The following SDK1 variants were observed in gnomAD, a reference collection of about 807,000 sequenced individuals.
The protein encoded by SDK1 is sidekick cell adhesion molecule 1.
In SDK1, 157 loss-of-function variants were observed where a neutral mutation model predicts 245.5. The ratio of observed to expected loss-of-function variants is 0.64; its 90% confidence interval spans 0.56 to 0.73. The LOEUF is 0.73. Ranked by LOEUF, SDK1 falls within the 30% of genes least tolerant of loss-of-function variation. The pLI is 0.00. For synonymous variants in SDK1, 1,647 were observed against 1,278.5 expected, an observed-to-expected ratio of 1.29 and a Z score of -6.15; for missense variants, 3,583 against 3,002.3, an observed-to-expected ratio of 1.19 and a Z score of -4.52.
At chr7:3,870,304 G>A (rs756153198) in intron 5 of SDK1, among the ~76,000 whole-genome samples, 4 of 151,978 alleles carry the variant, frequency 2.6e-5, no homozygotes, top group South Asian at 2.1e-4. Flanking sequence ...TTTTTACAGC[G>A]ACTTGGCCCC....
At chr7:3,560,753 C>G (rs1009087251) in intron 1 of SDK1, among the ~76,000 whole-genome samples, 2 of 152,128 alleles carry the variant, frequency 1.3e-5, no homozygotes, top group African/African-American at 4.8e-5. Flanking sequence ...CTCTCTGTAT[C>G]CTCCTCTCCT....
At chr7:4,074,078 A>G (rs567818259) in intron 20 of SDK1, among the ~76,000 whole-genome samples, 51 of 152,144 alleles carry the variant, frequency 3.4e-4, no homozygotes, top group Non-Finnish European at 6.9e-4. Context: ...CCCACAATGC[A>G]CTGCAATCCT....
At chr7:3,514,174 G>A (rs1782663824) in intron 1 of SDK1, among the ~76,000 whole-genome samples, 1 of 152,088 alleles carries the variant, frequency 6.6e-6, no homozygotes, top group Non-Finnish European at 1.5e-5. Context: ...CCTGTCTCAT[G>A]GAGTTTGTAT....
chr7:3,507,171 C>T (rs1782420781), intron 1 of SDK1, among the ~76,000 whole-genome samples: 1 of 152,138 alleles, frequency 6.6e-6, no homozygotes, highest in South Asian at 2.1e-4. Context: ...ACTCTAATGT[C>T]TTCAACACTG....
In SDK1 at chr7:4,101,178, T is replaced by C. The variant is rs983034362; in HGVS notation, c.3325-9485T>C. On this transcript the variant is annotated intron_variant, in intron 22 of 44. Coordinates refer to ENST00000404826, the MANE Select transcript of SDK1 (RefSeq NM_152744.4). ...TTTTTTTTTTTTTTGAGACGGAGTC[T>C]CGCTCTGTCACCCAGGCTGGAGTGC... 1.3e-3 allele frequency among the ~76,000 whole-genome samples: 196 copies of C among 150,114 alleles called. 3 individuals are homozygous for C. Among genetic ancestry groups the C allele is most frequent in the Non-Finnish European group, 4.0e-4 (27 of 67,616 alleles).
chr7:3,618,715 C>A (rs1401186507), intron 1 of SDK1, among the ~76,000 whole-genome samples: 3 of 152,176 alleles, frequency 2.0e-5, no homozygotes, highest in Middle Eastern at 3.2e-3. Flanking sequence ...TCTTTTATAG[C>A]CTGCATACAC....
intron 14 of SDK1, among the ~76,000 whole-genome samples, chr7:4,009,352 C>T (rs1300494843): frequency 6.6e-6 from 1 of 152,208 alleles, no homozygotes; most frequent in Non-Finnish European, 1.5e-5. Flanking sequence ...AATGGCCTTT[C>T]GTCTTCTGCA....
At chr7:3,997,542 A>G (rs1012053199) in intron 14 of SDK1, among the ~76,000 whole-genome samples, 1 of 152,216 alleles carries the variant, frequency 6.6e-6, no homozygotes, top group African/African-American at 2.4e-5. Context: ...CTCAGCAGAG[A>G]GAAGGCCTTG....
chr7:3,583,784 C>G (rs976957934), intron 1 of SDK1, among the ~76,000 whole-genome samples: 1 of 152,062 alleles, frequency 6.6e-6, no homozygotes, highest in African/African-American at 2.4e-5. Flanking sequence ...GTGAATGCCA[C>G]CGAGAGGGCG....
chr7:3,698,581 A>G (rs1458253491), intron 4 of SDK1, among the ~76,000 whole-genome samples: 3 of 152,300 alleles, frequency 2.0e-5, no homozygotes, highest in Non-Finnish European at 4.4e-5. Context: ...TCAGGCTGCT[A>G]TAGTAAAACA....
intron 1 of SDK1, among the ~76,000 whole-genome samples, chr7:3,513,849 A>G (rs1000501822): frequency 1.3e-5 from 2 of 152,052 alleles, no homozygotes; most frequent in East Asian, 1.9e-4. Context: ...TGTACTCAGT[A>G]TCTAGCTCTC....
intron 1 of SDK1, among the ~76,000 whole-genome samples, chr7:3,375,252 T>C (rs918428025): frequency 6.6e-6 from 1 of 152,028 alleles, no homozygotes; most frequent in African/African-American, 2.4e-5. Context: ...TGCCTTTACA[T>C]GTCACAAACT....
At chr7:3,948,294 G>T (rs1445939863) in intron 5 of SDK1, among the ~76,000 whole-genome samples, 3 of 117,204 alleles carry the variant, frequency 2.6e-5, no homozygotes, top group African/African-American at 6.8e-5. Flanking sequence ...GTCTCGCTCT[G>T]TCACCCAGGC....
intron 1 of SDK1, among the ~76,000 whole-genome samples, chr7:3,482,618 T>G (rs2128602586): frequency 6.6e-6 from 1 of 152,280 alleles, no homozygotes. Context: ...CCCACAGGTC[T>G]TCCCTGCACA....
rs541047806 is a variant in SDK1 at position 3,348,359 on chromosome 7, C to A, written c.298+46475C>A. 2.6e-5 allele frequency among the ~76,000 whole-genome samples: 4 copies of A among 152,270 alleles called. No individual in the cohort carries two copies. In the South Asian group the frequency reaches 8.3e-4, roughly 32 times the overall value. ...GTAAATGTGAGCCATTCATATACATCATGGACTACTATGCAGCCATAAAAA... is the reference window on the plus strand; with the variant it reads ...GTAAATGTGAGCCATTCATATACATAATGGACTACTATGCAGCCATAAAAA... On this transcript the variant is annotated intron_variant, in intron 1 of 44. Coordinates refer to ENST00000404826, the MANE Select transcript of SDK1 (RefSeq NM_152744.4).
intron 30 of SDK1, among the ~76,000 whole-genome samples, chr7:4,153,878 A>C (rs1213442896): frequency 6.6e-6 from 1 of 151,282 alleles, no homozygotes; most frequent in African/African-American, 2.4e-5. Flanking sequence ...ATGGGGTCTC[A>C]CTATGTTGCC....
At chr7:3,618,865 C>T (rs567106738) in intron 1 of SDK1, among the ~76,000 whole-genome samples, 3 of 152,290 alleles carry the variant, frequency 2.0e-5, no homozygotes, top group South Asian at 2.1e-4. Flanking sequence ...CTTTCAAATG[C>T]GGGTATCATT....
intron 4 of SDK1, among the ~76,000 whole-genome samples, chr7:3,665,141 T>G (rs1783487324): frequency 6.6e-6 from 1 of 152,168 alleles, no homozygotes; most frequent in African/African-American, 2.4e-5. Context: ...AGATGGGCCC[T>G]TCCTATGTGA....
rs73294643 is a variant in SDK1 at position 3,898,348 on chromosome 7, C to T, written c.848-52575C>T. Among the ~76,000 whole-genome samples the T allele has an allele frequency of 3.0e-3, 454 of 152,330 alleles. 3 individuals carry two copies. Among genetic ancestry groups the T allele is most frequent in the African/African-American group, 0.01 (433 of 41,564 alleles). On this transcript the variant is annotated intron_variant, in intron 5 of 44. Coordinates refer to ENST00000404826, the MANE Select transcript of SDK1 (RefSeq NM_152744.4). The stretch of plus-strand genomic sequence containing the variant: ...TAGAGCAAAAAGCGCAGACATGGGA[C>T]AAGCCTGCTGTCCGGTACAATGTCA...
Sources: allele counts gnomAD v4.1 joint callset (sites outside exome capture counted in the v4.1 genomes callset), GRCh38; gene constraint gnomAD v4.1.1; transcripts MANE v1.5; gene names NCBI Gene and HGNC (gene_info 2026-07-23, HGNC 2026-07-21).